FAM216A: variants seen among roughly 807,000 people sequenced by gnomAD.
The protein encoded by FAM216A is protein FAM216A.
A neutral mutation model predicts 37.6 loss-of-function variants in FAM216A; 26 were observed. That is an observed-to-expected ratio of 0.69 (90% confidence interval 0.51 to 0.96). The LOEUF (loss-of-function observed/expected upper bound fraction) is 0.96, where lower values mean the gene tolerates loss of function less well. Ranked by LOEUF, FAM216A falls within the 40% of genes least tolerant of loss-of-function variation. The pLI is 0.00. For synonymous variants in FAM216A, 110 were observed against 121.7 expected (o/e 0.90, Z 0.64); for missense variants, 326 against 339.3 (o/e 0.96, Z 0.31).
intron 6 of FAM216A, among the ~76,000 whole-genome samples, chr12:110,489,682 C>T (rs1018242281): frequency 5.3e-5 from 8 of 151,832 alleles, no homozygotes; most frequent in African/African-American, 1.5e-4. Context: ...CCTGTGGTCC[C>T]CAATAGAAGA....
At chr12:110,481,402 T>C (rs959612400) in intron 2 of FAM216A, among the ~76,000 whole-genome samples, 4 of 152,202 alleles carry the variant, frequency 2.6e-5, no homozygotes, top group African/African-American at 9.6e-5. Flanking sequence ...TGGAGTGCAG[T>C]TGCAGTAACT....
rs144869402 is a variant in FAM216A at position 110,474,490 on chromosome 12, G to A, written c.184+1372G>A. ...GGATCACCTGAGGTCAGGAGTTCAA[G>A]ACCAGCCTGACCAACATGGTGAAAC... On this transcript the variant is annotated intron_variant, in intron 2 of 6. Coordinates refer to ENST00000377673, the MANE Select transcript of FAM216A (RefSeq NM_013300.3). 5.0e-3 allele frequency among the ~76,000 whole-genome samples: 761 copies of A among 151,896 alleles called. 1 individual carries two copies. Among genetic ancestry groups the A allele is most frequent in the Non-Finnish European group, 8.8e-3 (595 of 67,994 alleles).
At chr12:110,471,898 C>G (rs539011795) in intron 1 of FAM216A, among the ~76,000 whole-genome samples, 1 of 152,114 alleles carries the variant, frequency 6.6e-6, no homozygotes, top group East Asian at 1.9e-4. Flanking sequence ...ACATTACAGA[C>G]CAACTTATTA....
At chr12:110,481,702 G>A (rs1394630781) in intron 2 of FAM216A, among the ~76,000 whole-genome samples, 2 of 152,096 alleles carry the variant, frequency 1.3e-5, no homozygotes, top group African/African-American at 2.4e-5. Flanking sequence ...GTAAAGAAAT[G>A]TTATCAAGCT....
chr12:110,479,610 A>C (rs1208241274), intron 2 of FAM216A, among the ~76,000 whole-genome samples: 1 of 151,870 alleles, frequency 6.6e-6, no homozygotes, highest in African/African-American at 2.4e-5. Context: ...AGGCTGAGGT[A>C]GGTGGATCAC....
intron 2 of FAM216A, among the ~76,000 whole-genome samples, chr12:110,479,366 A>C (rs1222361359): frequency 1.3e-5 from 2 of 152,094 alleles, no homozygotes; most frequent in Non-Finnish European, 2.9e-5. Context: ...TACTAACTCC[A>C]AATTCCAATC....
chr12:110,469,069 G>T (rs2062661424), intron 1 of FAM216A, 51 bp downstream of exon 1: 5 of 1,383,194 alleles, frequency 3.6e-6, no homozygotes, highest in Non-Finnish European at 4.7e-6. Context: ...CCCCCGGGTC[G>T]TGAGGCCCCC....
chr12:110,490,328 C>A lies in FAM216A; in HGVS notation c.*191C>A. On this transcript the variant is annotated 3_prime_UTR_variant, in exon 7 of 7. Coordinates refer to ENST00000377673, the MANE Select transcript of FAM216A (RefSeq NM_013300.3). ...AATGATAGTTATGTAAGAAAATTTA[C>A]ATGTAACATATACTTGTACTTCTAG... The A allele has an allele frequency of 1.8e-6, 1 of 566,916 alleles. No individual in the cohort carries two copies. Among genetic ancestry groups the A allele is most frequent in the African/African-American group, 1.9e-5 (1 of 52,174 alleles). The allele number at this position is 566,916 out of a possible 1,614,324, so 35.1% of individuals were successfully genotyped here. A position where few individuals can be genotyped will look rare whatever the true frequency, so the allele number is the denominator to read the frequency against.
chr12:110,489,783 G>A (rs1030060806), intron 6 of FAM216A, among the ~76,000 whole-genome samples: 6 of 152,054 alleles, frequency 3.9e-5, no homozygotes, highest in African/African-American at 1.4e-4. Context: ...GAAAATCAAT[G>A]GTAAAACAGG....
rs555229001 is a variant in FAM216A, at chr12:110,472,324, C to A, written c.144-754C>A. The stretch of plus-strand genomic sequence containing the variant: ...GACAGCAAGATAATCACATGGATAG[C>A]CCAGGAGCCCCAACTACTTTATTGA... On this transcript the variant is annotated intron_variant, in intron 1 of 6. Coordinates refer to ENST00000377673, the MANE Select transcript of FAM216A (RefSeq NM_013300.3). Among the ~76,000 whole-genome samples, 3 of 152,038 alleles carry A rather than the reference C, an allele frequency of 2.0e-5. No homozygotes were observed. In the East Asian group the frequency reaches 5.8e-4, roughly 29 times the overall value.
chr12:110,468,728 G>T (rs1478586936), upstream of FAM216A: 1 of 1,497,472 alleles, frequency 6.7e-7, no homozygotes, highest in African/African-American at 1.4e-5. Context: ...CTCCCCCACC[G>T]TAACTCCGGG....
chr12:110,483,097 G>A (rs1426538978), intron 2 of FAM216A, among the ~76,000 whole-genome samples: 5 of 150,916 alleles, frequency 3.3e-5, no homozygotes, highest in South Asian at 2.1e-4. Flanking sequence ...AGGCCAAGGC[G>A]GGCAGATCAC....
chr12:110,474,456 G>A (rs1263717281), intron 2 of FAM216A, among the ~76,000 whole-genome samples: 1 of 151,948 alleles, frequency 6.6e-6, no homozygotes, highest in Admixed American at 6.6e-5. Flanking sequence ...TTGGGAGGCC[G>A]AGGTAGGTGG....
chr12:110,483,679 C>T (rs1170697557), intron 2 of FAM216A, among the ~76,000 whole-genome samples: 5 of 151,888 alleles, frequency 3.3e-5, no homozygotes, highest in Non-Finnish European at 2.9e-5. Flanking sequence ...CAAAAATTAG[C>T]TGGTAGTGCA....
chr12:110,469,879 T>C (rs947420111), intron 1 of FAM216A, among the ~76,000 whole-genome samples: 2 of 152,134 alleles, frequency 1.3e-5, no homozygotes, highest in Admixed American at 6.6e-5. Context: ...CTTGACATTT[T>C]CTTCACACTG....
chr12:110,475,653 C>T (rs1468255226), intron 2 of FAM216A, among the ~76,000 whole-genome samples: 1 of 151,710 alleles, frequency 6.6e-6, no homozygotes, highest in Admixed American at 6.6e-5. Flanking sequence ...CTAACTGCAG[C>T]CTCGACCTCC....
rs369431978 is a variant in FAM216A at position 110,487,855 on chromosome 12, T to A, written c.621-6T>A. ...GCTCCAACTAAGATACTTCCCTTTC[T>A]TATAGGATAAAAACTGGATATGCAT... On this transcript the variant is annotated splice_polypyrimidine_tract_variant and splice_region_variant and intron_variant, in intron 5 of 6. Transcript: ENST00000377673. The A allele has an allele frequency of 1.9e-6, 3 of 1,559,414 alleles. No homozygotes were observed. In the African/African-American group the frequency reaches 4.1e-5, roughly 21 times the overall value.
intron 2 of FAM216A, among the ~76,000 whole-genome samples, chr12:110,474,385 G>A (rs2062703908): frequency 2.0e-5 from 3 of 151,950 alleles, no homozygotes; most frequent in Admixed American, 6.6e-5. Flanking sequence ...ATATGTCAAA[G>A]TGTTTTAAAA....
At chr12:110,489,289 G>A (rs1202940884) in intron 6 of FAM216A, among the ~76,000 whole-genome samples, 2 of 152,100 alleles carry the variant, frequency 1.3e-5, no homozygotes, top group African/African-American at 4.8e-5. Context: ...CAGATCACCT[G>A]AGGTCAGGAG....
Sources: gnomAD v4.1 joint callset for allele counts (sites outside exome capture counted in the v4.1 genomes callset) on GRCh38, gnomAD v4.1.1 for gene constraint, MANE v1.5 for transcripts, NCBI Gene and HGNC (gene_info 2026-07-23, HGNC 2026-07-21) for gene names.